Variants in SHISA9 observed in about 807,000 individuals in gnomAD.
The protein encoded by SHISA9 is protein shisa-9.
In SHISA9, 13 loss-of-function variants were observed where a neutral mutation model predicts 38.0. The ratio of observed to expected loss-of-function variants is 0.34; its 90% CI spans 0.22 to 0.54. The LOEUF (loss-of-function observed/expected upper bound fraction) is 0.54. SHISA9 is among the 20% of genes least tolerant of loss of function. The pLI, the probability that SHISA9 is intolerant of heterozygous loss-of-function variation, is 0.91. For missense variants in SHISA9, 538 were observed against 575.8 expected (o/e 0.93, Z 0.67); for synonymous variants, 275 against 242.0 (o/e 1.14, Z -1.27).
intron 2 of SHISA9, among the ~76,000 whole-genome samples, chr16:13,090,890 T>C (rs1447394155): frequency 1.3e-5 from 2 of 152,232 alleles, no homozygotes; most frequent in Admixed American, 6.5e-5. Context: ...CTTCATAGCA[T>C]TGATGGTCTT....
In SHISA9 at chr16:13,026,094, C is replaced by T. The variant is rs192501708; in HGVS notation, c.691+109279C>T. 6.4e-3 allele frequency among the ~76,000 whole-genome samples: 977 copies of T among 152,242 alleles called. 18 individuals are homozygous for T. The highest frequency in any genetic ancestry group is 0.022 in the African/African-American group (894 of 41,536). ...TGTTGGGATTACAGGCGTGAGCCACCGCGCCCACCTTAACAACATTTTAAG... is the reference window on the plus strand; with the variant it reads ...TGTTGGGATTACAGGCGTGAGCCACTGCGCCCACCTTAACAACATTTTAAG... On this transcript the variant is annotated intron_variant, in intron 2 of 4. Transcript: ENST00000558583.
the SHISA9 span, among the ~76,000 whole-genome samples, chr16:13,257,438 G>A: frequency 3.1e-3 from 474 of 152,272 alleles, no homozygotes; most frequent in Middle Eastern, 0.014. Context: ...ATTCAAGGGT[G>A]GGGACTGGGA....
At position 13,138,144 on chromosome 16, in the gene SHISA9, C is replaced by A. The variant is rs939458025; in HGVS notation, c.692-65250C>A. ...GGGCTATATTTTGAGTGGCTGTGCTCTAGGACTTTGCTTCTCTACCTGTGT... is the reference window on the plus strand; with the variant it reads ...GGGCTATATTTTGAGTGGCTGTGCTATAGGACTTTGCTTCTCTACCTGTGT... On this transcript the variant is annotated intron_variant, in intron 2 of 4. Coordinates refer to ENST00000558583, the MANE Select transcript of SHISA9 (RefSeq NM_001145204.3). 1.3e-5 allele frequency among the ~76,000 whole-genome samples: 2 copies of A among 152,250 alleles called. 1 individual carries two copies.
the SHISA9 span, among the ~76,000 whole-genome samples, chr16:13,256,177 C>A: frequency 6.6e-6 from 1 of 152,236 alleles, no homozygotes; most frequent in Admixed American, 6.5e-5. Context: ...TCCTTTAAGA[C>A]GCAGATCAGA....
chr16:13,083,235 C>T (rs1188554015), intron 2 of SHISA9, among the ~76,000 whole-genome samples: 1 of 152,172 alleles, frequency 6.6e-6, no homozygotes. Flanking sequence ...ATGGCTACTC[C>T]AACAGGATGG....
At chr16:13,059,121 C>CTTTTTTTTTTT (rs3075088) in intron 2 of SHISA9, among the ~76,000 whole-genome samples, 1 of 74,832 alleles carries the variant, frequency 1.3e-5, no homozygotes, top group Non-Finnish European at 2.3e-5. Context: ...AAAACTCTAT[C>CTTTTTTTTTTT]TTTTTTTTTT....
the SHISA9 span, among the ~76,000 whole-genome samples, chr16:13,374,334 G>T: frequency 6.6e-6 from 1 of 152,082 alleles, no homozygotes; most frequent in African/African-American, 2.4e-5. Flanking sequence ...ATCCATGACA[G>T]ACCCCAGTGT....
At chr16:13,262,922 C>G in the SHISA9 span, among the ~76,000 whole-genome samples, 2 of 152,260 alleles carry the variant, frequency 1.3e-5, no homozygotes, top group Middle Eastern at 3.4e-3. Context: ...CTAAATCACT[C>G]TCCCCAGGGC....
chr16:13,463,998 T>C, the SHISA9 span, among the ~76,000 whole-genome samples: 1 of 152,254 alleles, frequency 6.6e-6, no homozygotes, highest in Admixed American at 6.5e-5. Flanking sequence ...AACAGAAAGA[T>C]CCAGGTTCTC....
chr16:13,388,588 C>G, the SHISA9 span, among the ~76,000 whole-genome samples: 1 of 152,158 alleles, frequency 6.6e-6, no homozygotes, highest in Non-Finnish European at 1.5e-5. Context: ...CAGACATGAG[C>G]CACTGTGCCT....
intron 2 of SHISA9, among the ~76,000 whole-genome samples, chr16:12,929,210 C>T (rs572867450): frequency 6.6e-6 from 1 of 152,062 alleles, no homozygotes; most frequent in Non-Finnish European, 1.5e-5. Context: ...ATTAGTTCAA[C>T]CATTGTGGGA....
chr16:13,233,880 G>C (rs190356122), intron 4 of SHISA9, among the ~76,000 whole-genome samples: 4 of 152,280 alleles, frequency 2.6e-5, no homozygotes, highest in Admixed American at 2.6e-4. Flanking sequence ...GCCTAGTGTG[G>C]TGATGCTTGC....
At chr16:13,440,645 G>A in the SHISA9 span, among the ~76,000 whole-genome samples, 53 of 152,244 alleles carry the variant, frequency 3.5e-4, 1 homozygote, top group South Asian at 9.3e-3. Flanking sequence ...AGGGACATTG[G>A]TGGCCGGGTG....
chr16:13,069,910 A>G (rs2073491064), intron 2 of SHISA9, among the ~76,000 whole-genome samples: 1 of 152,038 alleles, frequency 6.6e-6, no homozygotes, highest in Non-Finnish European at 1.5e-5. Context: ...TCCTCATCAG[A>G]CACCTAATCT....
chr16:13,348,923 A>G, the SHISA9 span, among the ~76,000 whole-genome samples: 1 of 152,094 alleles, frequency 6.6e-6, no homozygotes, highest in Non-Finnish European at 1.5e-5. Flanking sequence ...CCTCGGACTA[A>G]CATCCCCCTT....
At chr16:13,170,202 CAAAAAA>C (rs71147788) in intron 2 of SHISA9, among the ~76,000 whole-genome samples, 1 of 91,988 alleles carries the variant, frequency 1.1e-5, no homozygotes, top group Non-Finnish European at 2.2e-5. Flanking sequence ...GACTCCATCT[CAAAAAA>C]AAAAAAAAAA....
chr16:13,119,466 T>C (rs1251298768), intron 2 of SHISA9, among the ~76,000 whole-genome samples: 1 of 152,244 alleles, frequency 6.6e-6, no homozygotes, highest in African/African-American at 2.4e-5. Context: ...CTTGTTGATC[T>C]AAAGTACATG....
intron 2 of SHISA9, among the ~76,000 whole-genome samples, chr16:13,134,446 G>A (rs187434117): frequency 6.6e-6 from 1 of 152,108 alleles, no homozygotes. Context: ...CAGGCCAATG[G>A]GGGAGAGAGG....
intron 2 of SHISA9, among the ~76,000 whole-genome samples, chr16:13,035,756 C>T (rs2073052106): frequency 6.6e-6 from 1 of 152,168 alleles, no homozygotes; most frequent in Non-Finnish European, 1.5e-5. Flanking sequence ...GCCTCAAACT[C>T]CTGACCTCAG....
Sources: gnomAD v4.1 joint callset for allele counts (sites outside exome capture counted in the v4.1 genomes callset) on GRCh38, gnomAD v4.1.1 for gene constraint, MANE v1.5 for transcripts, NCBI Gene and HGNC (gene_info 2026-07-23, HGNC 2026-07-21) for gene names.